The following TENM3 variants were observed in gnomAD, a reference collection of about 807,000 sequenced individuals.
TENM3 encodes the protein teneurin transmembrane protein 3, also known as teneurin-3.
A neutral mutation model predicts 255.1 loss-of-function variants in TENM3; 63 were observed. The ratio of observed to expected loss-of-function variants is 0.25; its 90% CI spans 0.20 to 0.30. The LOEUF is 0.30. Ranked by LOEUF, TENM3 falls within the 10% of genes least tolerant of loss-of-function variation. The pLI is 1.00. For missense variants in TENM3, 2,929 were observed against 3,461.1 expected (o/e 0.85, Z 3.86); for synonymous variants, 1,306 against 1,322.3 (o/e 0.99, Z 0.27).
At chr4:182,066,430 T>C in the TENM3 span, among the ~76,000 whole-genome samples, 1 of 152,146 alleles carries the variant, frequency 6.6e-6, no homozygotes, top group East Asian at 1.9e-4. Flanking sequence ...TAAGGAGATT[T>C]GGACAATGGT....
At chr4:182,790,273 A>T (rs372680617) in intron 25 of TENM3, among the ~76,000 whole-genome samples, 3 of 152,024 alleles carry the variant, frequency 2.0e-5, no homozygotes, top group East Asian at 1.9e-4. Flanking sequence ...CGTGCTACAC[A>T]CTACTCGGCA....
At chr4:182,171,954 G>A (rs760057197) in intron 1 of TENM3, among the ~76,000 whole-genome samples, 1 of 150,926 alleles carries the variant, frequency 6.6e-6, no homozygotes, top group Non-Finnish European at 1.5e-5. Context: ...ATTAGGAAAG[G>A]GTCTGTTTTG....
At chr4:182,434,115 A>G (rs1369518714) in intron 3 of TENM3, among the ~76,000 whole-genome samples, 1 of 132,254 alleles carries the variant, frequency 7.6e-6, no homozygotes, top group African/African-American at 2.7e-5. Flanking sequence ...GGCTGCCTCC[A>G]TTAAAAAAAA....
intron 12 of TENM3, among the ~76,000 whole-genome samples, chr4:182,703,599 C>T (rs1420066566): frequency 1.3e-5 from 2 of 152,182 alleles, no homozygotes; most frequent in Non-Finnish European, 2.9e-5. Context: ...ATACTCTCAC[C>T]TACAAATACA....
chr4:182,034,166 G>T, the TENM3 span, among the ~76,000 whole-genome samples: 5,925 of 152,158 alleles, frequency 0.039, 377 homozygotes, highest in African/African-American at 0.13. Context: ...GACTTACTAC[G>T]ACAAGAACAG....
chr4:182,659,586 G>A (rs1395652461), intron 6 of TENM3, among the ~76,000 whole-genome samples: 2 of 152,094 alleles, frequency 1.3e-5, no homozygotes, highest in African/African-American at 4.8e-5. Flanking sequence ...CAGGAGGCCC[G>A]GTGACTGCTT....
chr4:182,157,834 T>TCACGAACAGGTAACAGCAA (rs1750812479), intron 1 of TENM3, among the ~76,000 whole-genome samples: 1 of 152,108 alleles, frequency 6.6e-6, no homozygotes, highest in Non-Finnish European at 1.5e-5. Flanking sequence ...AAGCCCAACT[T>TCACGAACAGGTAACAGCAA]CACGAACAGG....
intron 1 of TENM3, among the ~76,000 whole-genome samples, chr4:182,271,272 C>A (rs144942016): frequency 6.6e-6 from 1 of 152,160 alleles, no homozygotes; most frequent in Non-Finnish European, 1.5e-5. Flanking sequence ...CTAACCACCC[C>A]CTTCCTAAGT....
the TENM3 span, among the ~76,000 whole-genome samples, chr4:181,770,714 A>G: frequency 6.6e-6 from 1 of 151,530 alleles, no homozygotes; most frequent in Non-Finnish European, 1.5e-5. Flanking sequence ...GGAAGTTCAC[A>G]GATAAAATTT....
chr4:181,468,149 T>G, the TENM3 span, among the ~76,000 whole-genome samples: 1 of 68,128 alleles, frequency 1.5e-5, no homozygotes, highest in African/African-American at 5.2e-5. Context: ...AAAAAAAAAT[T>G]GGTGTGGTGG....
chr4:182,206,667 C>T (rs1473149620), intron 1 of TENM3, among the ~76,000 whole-genome samples: 1 of 152,116 alleles, frequency 6.6e-6, no homozygotes, highest in Admixed American at 6.5e-5. Context: ...GTTACTTGTG[C>T]TAAAAAATAA....
the TENM3 span, among the ~76,000 whole-genome samples, chr4:181,496,298 A>G: frequency 7.7e-6 from 1 of 129,064 alleles, no homozygotes; most frequent in South Asian, 2.1e-4. Flanking sequence ...AAGCTATTCA[A>G]CACTTATCTT....
the TENM3 span, among the ~76,000 whole-genome samples, chr4:181,991,511 G>A: frequency 1.3e-5 from 2 of 152,086 alleles, no homozygotes; most frequent in Non-Finnish European, 2.9e-5. Flanking sequence ...TTAAGTAATT[G>A]ATTTGAACCC....
chr4:182,224,102 A>C (rs1425342244), intron 1 of TENM3, among the ~76,000 whole-genome samples: 1 of 152,198 alleles, frequency 6.6e-6, no homozygotes, highest in African/African-American at 2.4e-5. Flanking sequence ...TGCTTTCTAA[A>C]AGATTTTAAG....
the TENM3 span, among the ~76,000 whole-genome samples, chr4:181,932,465 T>C: frequency 1.3e-5 from 2 of 152,212 alleles, no homozygotes; most frequent in Non-Finnish European, 2.9e-5. Context: ...CACAATGAGA[T>C]ACCATCTCAC....
chr4:182,741,416 C>T (rs1236942756), intron 18 of TENM3, among the ~76,000 whole-genome samples: 1 of 152,144 alleles, frequency 6.6e-6, no homozygotes, highest in African/African-American at 2.4e-5. Flanking sequence ...GACAGTTATT[C>T]GTGCGGGCGC....
At chr4:182,127,093 T>C in the TENM3 span, among the ~76,000 whole-genome samples, 6 of 152,366 alleles carry the variant, frequency 3.9e-5, no homozygotes, top group African/African-American at 1.2e-4. Context: ...GATAAAGTTA[T>C]GTTAAAATAT....
intron 3 of TENM3, among the ~76,000 whole-genome samples, chr4:182,397,632 C>G (rs1208412956): frequency 1.3e-5 from 2 of 152,146 alleles, no homozygotes; most frequent in East Asian, 3.9e-4. Context: ...GGGCTACTAC[C>G]GTAACAAGCA....
chr4:182,100,806 T>TATATATACAC, the TENM3 span, among the ~76,000 whole-genome samples: 1 of 5,930 alleles, frequency 1.7e-4, no homozygotes, highest in African/African-American at 5.5e-4. Context: ...CACATATATA[T>TATATATACAC]ACACATATAT....
Sources: gnomAD v4.1 joint callset for allele counts (sites outside exome capture counted in the v4.1 genomes callset) on GRCh38, gnomAD v4.1.1 for gene constraint, MANE v1.5 for transcripts, NCBI Gene and HGNC (gene_info 2026-07-23, HGNC 2026-07-21) for gene names.